The following ZMAT4 variants were observed in gnomAD, a reference collection of about 807,000 sequenced individuals.
ZMAT4 encodes the protein zinc finger matrin-type protein 4.
In ZMAT4, 17 loss-of-function variants were observed where a neutral mutation model predicts 28.7. The ratio of observed to expected loss-of-function variants is 0.59; its 90% CI spans 0.41 to 0.89. The LOEUF is 0.89. Ranked by LOEUF, ZMAT4 falls within the 40% of genes least tolerant of loss-of-function variation. The probability of loss-of-function intolerance (pLI) is 0.00; values close to 1 mark genes in which losing one functional copy is unlikely to be tolerated. For missense variants in ZMAT4, 240 were observed against 283.8 expected (o/e 0.85, Z 1.11); for synonymous variants, 117 against 109.2 (o/e 1.07, Z -0.44).
rs1802691554 is a variant in ZMAT4, at chr8:40,531,449, G to A, written c.*774C>T. On this transcript the variant is annotated 3_prime_UTR_variant, in exon 7 of 7. Coordinates refer to ENST00000297737, the MANE Select transcript of ZMAT4 (RefSeq NM_024645.3). ...TTCTGGGGTTTATAATTCTTCTTTT[G>A]GATGCTTTTGGGGAAAAAAATTCAC... is the stretch of plus-strand genomic sequence containing the variant. 6.6e-6 allele frequency: 1 copy of A among 152,358 alleles called. No individual in the cohort carries two copies. The highest frequency in any genetic ancestry group is 2.4e-5 in the African/African-American group (1 of 41,378). The allele number at this position is 152,358 out of a possible 1,614,324, so 9.4% of individuals were successfully genotyped here.
At chr8:40,604,086 AC>A (rs1443454948) in intron 5 of ZMAT4, among the ~76,000 whole-genome samples, 1 of 152,236 alleles carries the variant, frequency 6.6e-6, no homozygotes, top group East Asian at 1.9e-4. Context: ...CTGAAACTTT[AC>A]TGAATTCATT....
intron 3 of ZMAT4, among the ~76,000 whole-genome samples, chr8:40,767,243 T>C (rs575056931): frequency 6.6e-6 from 1 of 152,326 alleles, no homozygotes; most frequent in South Asian, 2.1e-4. Flanking sequence ...CATTCTGTTT[T>C]ATACACCAGA....
At chr8:40,560,990 G>A (rs1369062528) in intron 6 of ZMAT4, among the ~76,000 whole-genome samples, 1 of 152,010 alleles carries the variant, frequency 6.6e-6, no homozygotes, top group Non-Finnish European at 1.5e-5. Flanking sequence ...CTTTTACTTA[G>A]TAGAGATTTA....
At chr8:40,695,638 A>C (rs1000496948) in intron 4 of ZMAT4, among the ~76,000 whole-genome samples, 8 of 152,154 alleles carry the variant, frequency 5.3e-5, no homozygotes, top group Non-Finnish European at 1.0e-4. Context: ...TGTATTGATG[A>C]TGGCTAACAA....
At chr8:40,767,531 C>T in intron 3 of ZMAT4, 110 bp downstream of exon 3, 1 of 836,414 alleles carries the variant, frequency 1.2e-6, no homozygotes, top group Non-Finnish European at 1.8e-6. Context: ...ACTATTTCTA[C>T]TCACTCAGCT....
intron 1 of ZMAT4, among the ~76,000 whole-genome samples, chr8:40,879,273 A>C (rs569184170): frequency 6.6e-6 from 1 of 152,258 alleles, no homozygotes; most frequent in South Asian, 2.1e-4. Flanking sequence ...AATTTAAAAA[A>C]TTAGCCAGGC....
intron 2 of ZMAT4, among the ~76,000 whole-genome samples, chr8:40,816,655 C>A (rs1383514793): frequency 6.6e-6 from 1 of 152,110 alleles, no homozygotes; most frequent in Non-Finnish European, 1.5e-5. Flanking sequence ...GTAGGAAAAC[C>A]AGAAGGTTCT....
At chr8:40,670,329 A>T (rs939469676) in intron 5 of ZMAT4, among the ~76,000 whole-genome samples, 10 of 152,202 alleles carry the variant, frequency 6.6e-5, no homozygotes, top group African/African-American at 2.4e-4. Context: ...CAACTGTGTA[A>T]ATATATAAAA....
chr8:40,835,635 A>G (rs1434804125), intron 1 of ZMAT4, among the ~76,000 whole-genome samples: 1 of 152,264 alleles, frequency 6.6e-6, no homozygotes, highest in Non-Finnish European at 1.5e-5. Flanking sequence ...CTATGAAACC[A>G]GACAGATTGA....
intron 5 of ZMAT4, among the ~76,000 whole-genome samples, chr8:40,656,862 A>G (rs1321146911): frequency 6.6e-6 from 1 of 152,118 alleles, no homozygotes; most frequent in Non-Finnish European, 1.5e-5. Flanking sequence ...AACCTAGACT[A>G]GTGGTTGCTT....
At chr8:40,750,783 C>A (rs1812423701) in intron 3 of ZMAT4, among the ~76,000 whole-genome samples, 1 of 152,246 alleles carries the variant, frequency 6.6e-6, no homozygotes, top group African/African-American at 2.4e-5. Context: ...TCTGGAGATT[C>A]CTGGCCACCC....
chr8:40,768,963 A>T (rs1813275592), intron 2 of ZMAT4, among the ~76,000 whole-genome samples: 1 of 152,238 alleles, frequency 6.6e-6, no homozygotes, highest in South Asian at 2.1e-4. Context: ...TTCAGAGAAC[A>T]CATAGAAAGT....
chr8:40,824,732 GAAGAAAGAAAGAAAAGAAAAA>G (rs1418147705), intron 2 of ZMAT4, among the ~76,000 whole-genome samples: 1 of 127,152 alleles, frequency 7.9e-6, no homozygotes, highest in Non-Finnish European at 1.7e-5. Context: ...AAGAAAGAAA[GAAGAAAGAAAGAAAAGAAAAA>G]AAGAAAGAAA....
intron 2 of ZMAT4, among the ~76,000 whole-genome samples, chr8:40,825,311 A>T (rs1815991415): frequency 6.6e-6 from 1 of 152,158 alleles, no homozygotes; most frequent in Non-Finnish European, 1.5e-5. Context: ...GAGAAAGCCC[A>T]AGCAGAGTCT....
Position 40,607,973 on chromosome 8 carries a change from GT to G in ZMAT4, c.578-26713del, listed in dbSNP as rs769293324. ...GGATTCTGTGGGGGTCCTTGGTTGT[GT>G]TTTTTTTTAATGTGTTGGTCTTATG... On this transcript the variant is annotated intron_variant, in intron 5 of 6. Coordinates refer to ENST00000297737, the MANE Select transcript of ZMAT4 (RefSeq NM_024645.3). 2.3e-4 allele frequency among the ~76,000 whole-genome samples: 34 copies of G among 151,078 alleles called. No individual in the cohort carries two copies. In the South Asian group the frequency reaches 3.8e-3, roughly 17 times the overall value.
intron 6 of ZMAT4, among the ~76,000 whole-genome samples, chr8:40,532,909 G>T (rs892220842): frequency 3.3e-5 from 5 of 151,366 alleles, no homozygotes; most frequent in Admixed American, 2.0e-4. Flanking sequence ...CAGGAGAATC[G>T]CTTGAACCTG....
intron 3 of ZMAT4, among the ~76,000 whole-genome samples, chr8:40,699,249 A>C (rs1412832295): frequency 6.6e-6 from 1 of 152,122 alleles, no homozygotes; most frequent in Non-Finnish European, 1.5e-5. Context: ...ATTATGCAAG[A>C]GGAATGAGAG....
chr8:40,749,644 C>T (rs1457923756), intron 3 of ZMAT4, among the ~76,000 whole-genome samples: 1 of 152,202 alleles, frequency 6.6e-6, no homozygotes, highest in African/African-American at 2.4e-5. Context: ...CCTTGAGCTA[C>T]TCTCACAAAA....
intron 5 of ZMAT4, among the ~76,000 whole-genome samples, chr8:40,584,675 C>T (rs1228851033): frequency 2.0e-5 from 3 of 152,058 alleles, no homozygotes; most frequent in Non-Finnish European, 2.9e-5. Flanking sequence ...CCCTGTCACC[C>T]AGGCTGGAGT....
Sources: allele counts gnomAD v4.1 joint callset (sites outside exome capture counted in the v4.1 genomes callset), GRCh38; gene constraint gnomAD v4.1.1; transcripts MANE v1.5; gene names NCBI Gene and HGNC (gene_info 2026-07-23, HGNC 2026-07-21).